The following ARSB variants were observed in gnomAD, a reference collection of about 807,000 sequenced individuals.
ARSB encodes N-acetylgalactosamine-4-sulfatase.
ARSB carries 41 observed loss-of-function variants against 50.9 expected under a neutral mutation model. The observed-to-expected ratio is 0.81, with a 90% CI of 0.63 to 1.04. ARSB has a LOEUF of 1.04. Ranked by LOEUF, ARSB falls within the 50% of genes least tolerant of loss-of-function variation. ARSB has a pLI of 0.00. For synonymous variants in ARSB, 269 were observed against 284.8 expected (o/e 0.94, Z 0.56); for missense variants, 672 against 693.3 (o/e 0.97, Z 0.35).
At chr5:78,861,942 A>G (rs145911478) in intron 5 of ARSB, among the ~76,000 whole-genome samples, 2,412 of 152,340 alleles carry the variant, frequency 0.016, 76 homozygotes, top group South Asian at 0.11. Context: ...TCAATGTGCA[A>G]AAATCACAAG....
At chr5:78,917,782 G>A (rs1375281796) in intron 4 of ARSB, among the ~76,000 whole-genome samples, 1 of 152,160 alleles carries the variant, frequency 6.6e-6, no homozygotes, top group Non-Finnish European at 1.5e-5. Flanking sequence ...CAAAGTGCTG[G>A]GATTACAGGA....
At chr5:78,858,201 G>T (rs1160410366) in intron 5 of ARSB, among the ~76,000 whole-genome samples, 1 of 152,052 alleles carries the variant, frequency 6.6e-6, no homozygotes, top group Non-Finnish European at 1.5e-5. Flanking sequence ...TATTTTTAAG[G>T]CTCCATAAAC....
At chr5:78,852,677 G>C (rs1290861902) in intron 5 of ARSB, among the ~76,000 whole-genome samples, 1 of 151,976 alleles carries the variant, frequency 6.6e-6, no homozygotes, top group Non-Finnish European at 1.5e-5. Context: ...CATTCTCCCC[G>C]TCACTTTCAG....
intron 5 of ARSB, among the ~76,000 whole-genome samples, chr5:78,855,329 G>C (rs977077434): frequency 3.3e-5 from 5 of 152,170 alleles, no homozygotes; most frequent in African/African-American, 1.2e-4. Flanking sequence ...GCATTGGAGG[G>C]GCATGATTTC....
At chr5:78,899,454 A>C (rs997094189) in intron 4 of ARSB, among the ~76,000 whole-genome samples, 3 of 152,268 alleles carry the variant, frequency 2.0e-5, no homozygotes, top group Admixed American at 1.3e-4. Flanking sequence ...AGTAATTCTT[A>C]GATTTGGTCT....
chr5:78,947,550 A>G (rs1057470260), intron 4 of ARSB, among the ~76,000 whole-genome samples: 1 of 152,258 alleles, frequency 6.6e-6, no homozygotes, highest in Non-Finnish European at 1.5e-5. Flanking sequence ...ATGATTGGCT[A>G]TCAGAGAAAT....
rs34571367 is a variant in ARSB, at chr5:78,908,731, C to CTTTT, written c.899-22908_899-22905dup. On this transcript the variant is annotated intron_variant, in intron 4 of 7. Transcript: ENST00000264914. ...CATTTCTCTACAACACTGGCCAAGA[C>CTTTT]TTTTTTTTTTTTTTTTGACATGCAT... Among the ~76,000 whole-genome samples, 289 of 140,390 alleles carry CTTTT rather than the reference C, an allele frequency of 2.1e-3. 1 individual carries two copies. The highest frequency in any genetic ancestry group is 7.3e-3 in the African/African-American group (278 of 37,830). The allele number at this position is 140,390 out of a possible 152,430, so 92.1% of individuals were successfully genotyped here. A position where few individuals can be genotyped will look rare whatever the true frequency, so the allele number is the denominator to read the frequency against.
intron 6 of ARSB, among the ~76,000 whole-genome samples, chr5:78,807,553 A>G (rs1314508822): frequency 6.6e-6 from 1 of 152,062 alleles, no homozygotes; most frequent in African/African-American, 2.4e-5. Flanking sequence ...GCTGCTCCCC[A>G]CCCCTTCCTG....
chr5:78,885,512 A>C (rs572975083), intron 5 of ARSB, 72 bp downstream of exon 5: 1 of 1,575,958 alleles, frequency 6.3e-7, no homozygotes, highest in Admixed American at 1.8e-5. Context: ...AAAAGCTATC[A>C]TTCTTGCTCA....
At chr5:78,812,428 C>A (rs1419957463) in intron 6 of ARSB, among the ~76,000 whole-genome samples, 3 of 152,128 alleles carry the variant, frequency 2.0e-5, no homozygotes, top group Admixed American at 1.3e-4. Context: ...AAGGAAATTT[C>A]AAGTTTGAAT....
At chr5:78,872,023 C>T (rs1246568460) in intron 5 of ARSB, among the ~76,000 whole-genome samples, 1 of 151,738 alleles carries the variant, frequency 6.6e-6, no homozygotes, top group African/African-American at 2.4e-5. Flanking sequence ...ACAGACACTT[C>T]TCAAAAGAAG....
At chr5:78,963,133 T>TA (rs1752064743) in intron 3 of ARSB, among the ~76,000 whole-genome samples, 1 of 152,180 alleles carries the variant, frequency 6.6e-6, no homozygotes, top group African/African-American at 2.4e-5. Flanking sequence ...CTCACTGTAT[T>TA]AGTTCCTGAG....
intron 1 of ARSB, 102 bp downstream of exon 1, chr5:78,984,835 C>G: frequency 1.0e-6 from 1 of 989,042 alleles, no homozygotes; most frequent in East Asian, 3.9e-5. Flanking sequence ...GCGGTCCGAG[C>G]CCCGCCTGCC....
intron 4 of ARSB, among the ~76,000 whole-genome samples, chr5:78,905,348 T>TTTTTTTTTG: frequency 6.7e-6 from 1 of 150,080 alleles, no homozygotes; most frequent in South Asian, 2.1e-4. Context: ...TTTCCTGTTT[T>TTTTTTTTTG]TTTTTTTTTG....
At chr5:78,915,187 T>A (rs1395578729) in intron 4 of ARSB, among the ~76,000 whole-genome samples, 2 of 152,202 alleles carry the variant, frequency 1.3e-5, no homozygotes, top group Admixed American at 1.3e-4. Flanking sequence ...TTCCCAGTCA[T>A]TTCCTGGATA....
chr5:78,875,914 T>C (rs1747457377), intron 5 of ARSB, among the ~76,000 whole-genome samples: 1 of 152,228 alleles, frequency 6.6e-6, no homozygotes, highest in South Asian at 2.1e-4. Context: ...GTGATCTACC[T>C]GCCTCAGGCT....
intron 6 of ARSB, among the ~76,000 whole-genome samples, chr5:78,834,594 G>A (rs1744849518): frequency 2.7e-5 from 2 of 74,120 alleles, no homozygotes; most frequent in African/African-American, 4.8e-5. Flanking sequence ...ACTATTTCAT[G>A]GTATATATAT....
At chr5:78,939,981 G>C (rs1230572237) in intron 4 of ARSB, among the ~76,000 whole-genome samples, 12 of 152,180 alleles carry the variant, frequency 7.9e-5, no homozygotes, top group Admixed American at 7.9e-4. Flanking sequence ...ATTCTAACTG[G>C]TGTGAGATGG....
chr5:78,787,935 G>T (rs1749134933), intron 6 of ARSB, among the ~76,000 whole-genome samples: 1 of 152,156 alleles, frequency 6.6e-6, no homozygotes, highest in African/African-American at 2.4e-5. Context: ...CAAGAAAGCA[G>T]ACGCCCAGAA....
Sources: allele counts gnomAD v4.1 joint callset (sites outside exome capture counted in the v4.1 genomes callset), GRCh38; gene constraint gnomAD v4.1.1; transcripts MANE v1.5; gene names NCBI Gene and HGNC (gene_info 2026-07-23, HGNC 2026-07-21).